The following MECR variants were observed in gnomAD, a reference collection of about 807,000 sequenced individuals.
MECR encodes the protein enoyl-[acyl-carrier-protein] reductase, mitochondrial.
A neutral mutation model predicts 49.1 loss-of-function variants in MECR; 37 were observed. The ratio of observed to expected loss-of-function variants is 0.75; its 90% confidence interval spans 0.58 to 0.99. The LOEUF (loss-of-function observed/expected upper bound fraction) is 0.99, where lower values mean the gene tolerates loss of function less well. MECR is among the 50% of genes least tolerant of loss of function. The pLI, the probability that MECR is intolerant of heterozygous loss-of-function variation, is 0.00. For synonymous variants in MECR, 198 were observed against 191.1 expected, an observed-to-expected ratio of 1.04 and a Z score of -0.30; for missense variants, 470 against 479.6, an observed-to-expected ratio of 0.98 and a Z score of 0.19.
the MECR span, chr1:29,171,858 A>G: frequency 6.6e-6 from 1 of 152,214 alleles, no homozygotes; most frequent in Non-Finnish European, 1.5e-5. Flanking sequence ...AGAAAGGAGG[A>G]GCAAAACAGT....
the MECR span, among the ~76,000 whole-genome samples, chr1:29,173,835 A>G: frequency 6.6e-6 from 1 of 152,204 alleles, no homozygotes; most frequent in East Asian, 1.9e-4. Flanking sequence ...ATATAATTCT[A>G]AACATTTTAA....
rs188685758 is a variant in MECR, at chr1:29,213,228, C to T, written c.406+2777G>A. Among the ~76,000 whole-genome samples, 166 of 152,342 alleles carry T rather than the reference C, an allele frequency of 1.1e-3. 1 individual carries two copies. The highest frequency in any genetic ancestry group is 3.8e-4 in the Non-Finnish European group (26 of 68,030). Reference sequence around the variant, plus strand: ...ACCTTGATAGGACCTTCACTTAGCACGGGGGCTGGCCCGAAGCACTGGCAT... The same window carrying T: ...ACCTTGATAGGACCTTCACTTAGCATGGGGGCTGGCCCGAAGCACTGGCAT... On this transcript the variant is annotated intron_variant, in intron 3 of 9. Coordinates refer to ENST00000263702, the MANE Select transcript of MECR (RefSeq NM_016011.5).
At chr1:29,217,297 C>T (rs1213207899) in intron 1 of MECR, among the ~76,000 whole-genome samples, 5 of 150,646 alleles carry the variant, frequency 3.3e-5, no homozygotes, top group Admixed American at 6.6e-5. Flanking sequence ...AAAAGCTCCG[C>T]CTCCCAGGTT....
chr1:29,214,612 C>A (rs1003367929), intron 3 of MECR, among the ~76,000 whole-genome samples: 4 of 151,036 alleles, frequency 2.6e-5, no homozygotes, highest in Non-Finnish European at 5.9e-5. Flanking sequence ...TCCACCACCT[C>A]GGCCTCCCAA....
At chr1:29,196,704 A>G (rs1390417474) in intron 7 of MECR, among the ~76,000 whole-genome samples, 1 of 151,516 alleles carries the variant, frequency 6.6e-6, no homozygotes, top group African/African-American at 2.4e-5. Flanking sequence ...TAAATGAATG[A>G]ATGAATAAAT....
chr1:29,209,818 T>C (rs991743906), intron 3 of MECR, among the ~76,000 whole-genome samples: 2 of 152,144 alleles, frequency 1.3e-5, no homozygotes, highest in African/African-American at 2.4e-5. Context: ...TCGGGGCCCT[T>C]GGCCTATGCT....
chr1:29,183,040 T>C, the MECR span, among the ~76,000 whole-genome samples: 2 of 152,178 alleles, frequency 1.3e-5, no homozygotes, highest in South Asian at 4.1e-4. Context: ...TTTCTTTGCT[T>C]GTTTTTGTTT....
chr1:29,202,084 C>T, intron 5 of MECR, 39 bp from the exon 6 acceptor site: 1 of 1,561,914 alleles, frequency 6.4e-7, no homozygotes, highest in Non-Finnish European at 8.8e-7. Context: ...CATCTGCCAG[C>T]TTTTTCCACC....
intron 5 of MECR, 98 bp downstream of exon 5, chr1:29,203,033 T>C: frequency 1.0e-6 from 1 of 961,522 alleles, no homozygotes; most frequent in Non-Finnish European, 1.5e-6. Flanking sequence ...TTTATGCTTA[T>C]GCAAGGGCGC....
At chr1:29,180,221 G>C in the MECR span, among the ~76,000 whole-genome samples, 2 of 151,944 alleles carry the variant, frequency 1.3e-5, no homozygotes, top group Non-Finnish European at 1.5e-5. Context: ...ACAAAAGTTA[G>C]TTATGCTGTC....
chr1:29,218,468 C>A (rs972139712), intron 1 of MECR, among the ~76,000 whole-genome samples: 1 of 152,250 alleles, frequency 6.6e-6, no homozygotes. Context: ...TAGCATTAGG[C>A]AACAGTATCA....
At chr1:29,220,497 G>T (rs563106754) in intron 1 of MECR, among the ~76,000 whole-genome samples, 1 of 152,338 alleles carries the variant, frequency 6.6e-6, no homozygotes, top group South Asian at 2.1e-4. Context: ...GTTTTAGGCT[G>T]TTTAGGAAAA....
intron 7 of MECR, among the ~76,000 whole-genome samples, chr1:29,199,663 G>C (rs1183820363): frequency 1.3e-5 from 2 of 151,936 alleles, no homozygotes; most frequent in African/African-American, 2.4e-5. Flanking sequence ...TTGTCACCCA[G>C]GCTGGAGTAG....
chr1:29,224,986 G>A (rs954771255), intron 1 of MECR, among the ~76,000 whole-genome samples: 12 of 152,210 alleles, frequency 7.9e-5, no homozygotes, highest in Admixed American at 6.5e-5. Context: ...CTCTCTGGAC[G>A]GAGGGAAAAC....
chr1:29,200,913 C>T (rs1392173962), intron 6 of MECR, among the ~76,000 whole-genome samples: 1 of 152,038 alleles, frequency 6.6e-6, no homozygotes, highest in Non-Finnish European at 1.5e-5. Context: ...CTCAGCCTCC[C>T]AAGTAGCTGG....
At chr1:29,197,244 C>T (rs924363421) in intron 7 of MECR, among the ~76,000 whole-genome samples, 2 of 152,218 alleles carry the variant, frequency 1.3e-5, no homozygotes, top group Non-Finnish European at 2.9e-5. Flanking sequence ...TCTGCTCTCA[C>T]TTACAGGTGT....
chr1:29,195,711 G>A, intron 9 of MECR, among the ~76,000 whole-genome samples: 1 of 152,320 alleles, frequency 6.6e-6, no homozygotes, highest in South Asian at 2.1e-4. Flanking sequence ...CCCACTGTCA[G>A]CTCTTCAGGA....
intron 1 of MECR, among the ~76,000 whole-genome samples, chr1:29,226,998 G>A (rs533067975): frequency 2.3e-5 from 3 of 130,466 alleles, no homozygotes; most frequent in Admixed American, 9.6e-5. Context: ...TCACTCTGTC[G>A]CTGAGGCTGG....
chr1:29,200,702 G>C, intron 6 of MECR, 113 bp from the exon 7 acceptor site: 2 of 832,536 alleles, frequency 2.4e-6, no homozygotes, highest in South Asian at 1.6e-5. Flanking sequence ...TTATGCCTTT[G>C]TTTGCGTGCA....
Sources: allele counts gnomAD v4.1 joint callset (sites outside exome capture counted in the v4.1 genomes callset), GRCh38; gene constraint gnomAD v4.1.1; transcripts MANE v1.5; gene names NCBI Gene and HGNC (gene_info 2026-07-23, HGNC 2026-07-21).